JAKMIP2: variants seen among roughly 807,000 people sequenced by gnomAD.
JAKMIP2 encodes janus kinase and microtubule-interacting protein 2.
In JAKMIP2, 25 loss-of-function variants were observed where a neutral mutation model predicts 115.0. The observed-to-expected ratio is 0.22, with a 90% CI of 0.16 to 0.30. JAKMIP2 has a LOEUF of 0.30. JAKMIP2 is among the 10% of genes least tolerant of loss of function. The pLI is 1.00. For missense variants in JAKMIP2, 642 were observed against 957.6 expected (o/e 0.67, Z 4.35); for synonymous variants, 334 against 343.6 (o/e 0.97, Z 0.31).
At chr5:147,640,258 G>A (rs1051765589) in intron 9 of JAKMIP2, among the ~76,000 whole-genome samples, 4 of 152,166 alleles carry the variant, frequency 2.6e-5, no homozygotes, top group Non-Finnish European at 5.9e-5. Context: ...GCAGACTGGG[G>A]TGTTTCACTC....
intron 21 of JAKMIP2, among the ~76,000 whole-genome samples, chr5:147,597,654 A>G (rs1297411170): frequency 6.6e-6 from 1 of 152,206 alleles, no homozygotes; most frequent in African/African-American, 2.4e-5. Flanking sequence ...CAACCTGGGT[A>G]TAGCAGCTAA....
chr5:147,701,828 T>C, intron 1 of JAKMIP2, among the ~76,000 whole-genome samples: 1 of 152,170 alleles, frequency 6.6e-6, no homozygotes, highest in East Asian at 1.9e-4. Context: ...CCTGGACTTA[T>C]CAGCCTCAAA....
intron 1 of JAKMIP2, among the ~76,000 whole-genome samples, chr5:147,702,703 G>A (rs901337679): frequency 5.0e-4 from 68 of 137,120 alleles, no homozygotes; most frequent in Non-Finnish European, 9.1e-4. Context: ...GAAAAGAAAA[G>A]AAAAAAAAAG....
At chr5:147,672,312 T>C (rs1759650801) in intron 1 of JAKMIP2, among the ~76,000 whole-genome samples, 1 of 152,184 alleles carries the variant, frequency 6.6e-6, no homozygotes, top group African/African-American at 2.4e-5. Flanking sequence ...GGAAGTCACC[T>C]ATGTGATGAC....
At chr5:147,644,687 C>G (rs1305171943) in intron 6 of JAKMIP2, among the ~76,000 whole-genome samples, 163 bp downstream of exon 6, 1 of 152,294 alleles carries the variant, frequency 6.6e-6, no homozygotes, top group East Asian at 1.9e-4. Context: ...AATTCAGAGC[C>G]AGCAACCTTC....
At chr5:147,627,391 G>C (rs768647206) in intron 16 of JAKMIP2, among the ~76,000 whole-genome samples, 6 of 151,970 alleles carry the variant, frequency 3.9e-5, no homozygotes, top group Non-Finnish European at 8.8e-5. Context: ...CAAGAGTGGA[G>C]AATGGAGAGA....
chr5:147,662,623 TTCTCTCTCTG>T (rs1422097899), intron 2 of JAKMIP2, among the ~76,000 whole-genome samples: 3 of 151,900 alleles, frequency 2.0e-5, no homozygotes, highest in Non-Finnish European at 4.4e-5. Context: ...TGTCTCTGTC[TTCTCTCTCTG>T]TCTCTCTCTG....
intron 1 of JAKMIP2, among the ~76,000 whole-genome samples, chr5:147,729,715 A>C (rs1379468798): frequency 6.6e-6 from 1 of 150,968 alleles, no homozygotes; most frequent in African/African-American, 2.4e-5. Flanking sequence ...CGGAGCTTGC[A>C]GTGAGCCGAG....
chr5:147,695,646 A>G (rs968321092), intron 1 of JAKMIP2, among the ~76,000 whole-genome samples: 15 of 134,632 alleles, frequency 1.1e-4, no homozygotes, highest in Non-Finnish European at 2.2e-4. Context: ...CGGAAGTGAA[A>G]GGTCTGTGTG....
At position 147,645,133 on chromosome 5, in the gene JAKMIP2, C is replaced by T; in HGVS notation, c.937-137G>A. The T allele has an allele frequency of 5.6e-6, 4 of 716,492 alleles. No individual in the cohort carries two copies. In the South Asian group the frequency reaches 7.6e-5, roughly 14 times the overall value. The allele number at this position is 716,492 out of a possible 1,614,324, so 44.4% of individuals were successfully genotyped here. ...TATGTGGCTGAGGACTGACCACTGA[C>T]ATTTCAATCCTTCATTTAACAGACT... is the stretch of plus-strand genomic sequence containing the variant. On this transcript the variant is annotated intron_variant, in intron 5 of 21. Coordinates refer to ENST00000616793, the MANE Select transcript of JAKMIP2 (RefSeq NM_001270941.2).
intron 1 of JAKMIP2, among the ~76,000 whole-genome samples, chr5:147,720,669 G>A (rs1367833255): frequency 5.3e-5 from 8 of 151,296 alleles, no homozygotes; most frequent in African/African-American, 1.5e-4. Flanking sequence ...CATTCTTCAC[G>A]TAGTTCTCGA....
chr5:147,607,485 T>G (rs1756086068), intron 20 of JAKMIP2, among the ~76,000 whole-genome samples: 1 of 152,216 alleles, frequency 6.6e-6, no homozygotes, highest in South Asian at 2.1e-4. Context: ...TTTATTGATT[T>G]ATGTATGTTG....
At chr5:147,757,848 A>G (rs562188598) in intron 1 of JAKMIP2, among the ~76,000 whole-genome samples, 1 of 152,276 alleles carries the variant, frequency 6.6e-6, no homozygotes, top group South Asian at 2.1e-4. Flanking sequence ...TTTGATAGAA[A>G]TATGATGAAA....
At chr5:147,706,341 G>C (rs970073629) in intron 1 of JAKMIP2, among the ~76,000 whole-genome samples, 1 of 152,096 alleles carries the variant, frequency 6.6e-6, no homozygotes, top group African/African-American at 2.4e-5. Context: ...GACCAGCAAT[G>C]CTTTTCAGTC....
chr5:147,682,507 T>C (rs1760340963), intron 1 of JAKMIP2, among the ~76,000 whole-genome samples: 1 of 152,208 alleles, frequency 6.6e-6, no homozygotes, highest in Admixed American at 6.5e-5. Flanking sequence ...ATATACAGAA[T>C]GATAACTATT....
chr5:147,734,238 TA>T (rs1184498972), intron 1 of JAKMIP2, among the ~76,000 whole-genome samples: 1 of 151,994 alleles, frequency 6.6e-6, no homozygotes, highest in Non-Finnish European at 1.5e-5. Flanking sequence ...TGGTGATCAT[TA>T]AAAAGTCAGG....
chr5:147,716,696 G>C (rs1753016370), intron 1 of JAKMIP2, among the ~76,000 whole-genome samples: 1 of 148,784 alleles, frequency 6.7e-6, no homozygotes, highest in Non-Finnish European at 1.5e-5. Context: ...GGGGTTGTTT[G>C]TTTTTTTCTT....
At chr5:147,645,920 A>G (rs1418758678) in intron 5 of JAKMIP2, among the ~76,000 whole-genome samples, 1 of 152,170 alleles carries the variant, frequency 6.6e-6, no homozygotes, top group Non-Finnish European at 1.5e-5. Context: ...CTTTACTTTT[A>G]AAACACTCCT....
At chr5:147,721,373 C>T (rs1343591799) in intron 1 of JAKMIP2, among the ~76,000 whole-genome samples, 2 of 152,222 alleles carry the variant, frequency 1.3e-5, no homozygotes, top group East Asian at 3.9e-4. Flanking sequence ...GTGGTGGGCT[C>T]CGCCCAGTTG....
Sources: gnomAD v4.1 joint callset for allele counts (sites outside exome capture counted in the v4.1 genomes callset) on GRCh38, gnomAD v4.1.1 for gene constraint, MANE v1.5 for transcripts, NCBI Gene and HGNC (gene_info 2026-07-23, HGNC 2026-07-21) for gene names.